LINGO2: variants seen among roughly 807,000 people sequenced by gnomAD.
LINGO2 encodes the protein leucine rich repeat and Ig domain containing 2.
Under a neutral mutation model 30.6 loss-of-function variants are expected in LINGO2, and 14 were observed. The ratio of observed to expected loss-of-function variants is 0.46; its 90% CI spans 0.30 to 0.72. LINGO2 has a LOEUF of 0.72. Among genes scored for constraint, LINGO2 ranks in the 30% least tolerant of loss-of-function variants. LINGO2 has a pLI of 0.07. For synonymous variants in LINGO2, 317 were observed against 288.5 expected, an observed-to-expected ratio of 1.10 and a Z score of -1.00; for missense variants, 729 against 751.7, an observed-to-expected ratio of 0.97 and a Z score of 0.35.
At chr9:29,152,865 C>T in the LINGO2 span, among the ~76,000 whole-genome samples, 1 of 151,996 alleles carries the variant, frequency 6.6e-6, no homozygotes, top group Non-Finnish European at 1.5e-5. Context: ...TTCTCTGAGT[C>T]ACTATTTGAT....
chr9:28,067,493 G>A (rs1452356), intron 4 of LINGO2, among the ~76,000 whole-genome samples: 116,178 of 152,096 alleles, frequency 0.76, 44,522 homozygotes, highest in Middle Eastern at 0.86. Flanking sequence ...TCTGGAGTTA[G>A]TTGAACATGT....
intron 1 of LINGO2, among the ~76,000 whole-genome samples, chr9:28,596,693 A>T (rs1825197169): frequency 6.6e-6 from 1 of 152,232 alleles, no homozygotes; most frequent in Non-Finnish European, 1.5e-5. Context: ...ACAATGTATG[A>T]TATCAATGCC....
chr9:28,119,650 A>G (rs947017624), intron 4 of LINGO2, among the ~76,000 whole-genome samples: 5 of 152,216 alleles, frequency 3.3e-5, no homozygotes, highest in Admixed American at 3.3e-4. Context: ...ATCTAACAAG[A>G]TGTAAGTTAC....
the LINGO2 span, among the ~76,000 whole-genome samples, chr9:29,142,981 G>C: frequency 8.9e-4 from 135 of 152,044 alleles, no homozygotes; most frequent in African/African-American, 3.2e-3. Flanking sequence ...TAAAAAATCA[G>C]TGGAATTTTA....
At chr9:28,704,719 TAC>T in the LINGO2 span, among the ~76,000 whole-genome samples, 1 of 152,142 alleles carries the variant, frequency 6.6e-6, no homozygotes, top group Non-Finnish European at 1.5e-5. Context: ...TCATGTCTGA[TAC>T]AGTGTTTTTG....
chr9:27,945,100 T>C (rs1015974423), downstream of LINGO2, among the ~76,000 whole-genome samples: 1 of 152,164 alleles, frequency 6.6e-6, no homozygotes, highest in African/African-American at 2.4e-5. Flanking sequence ...ATATGCAGTG[T>C]TGAATGGCTT....
intron 4 of LINGO2, among the ~76,000 whole-genome samples, chr9:28,032,663 C>G (rs1823739512): frequency 1.3e-5 from 2 of 152,176 alleles, no homozygotes; most frequent in African/African-American, 4.8e-5. Context: ...CCCATCGTCC[C>G]AGAACTAGTT....
the LINGO2 span, among the ~76,000 whole-genome samples, chr9:28,848,389 GTGTGTGTGTATATATA>G: frequency 1.3e-4 from 7 of 52,300 alleles, no homozygotes; most frequent in South Asian, 9.2e-4. Flanking sequence ...GTGTGTGTGT[GTGTGTGTGTATATATA>G]TATATATATA....
At chr9:28,513,402 A>C (rs1189974684) in intron 1 of LINGO2, among the ~76,000 whole-genome samples, 1 of 152,174 alleles carries the variant, frequency 6.6e-6, no homozygotes, top group African/African-American at 2.4e-5. Flanking sequence ...GTTTCCTATA[A>C]CTATGGCACA....
At chr9:28,492,561 G>C (rs1038010690) in intron 1 of LINGO2, among the ~76,000 whole-genome samples, 1 of 152,136 alleles carries the variant, frequency 6.6e-6, no homozygotes, top group African/African-American at 2.4e-5. Context: ...TTTGTTAAAA[G>C]TAGGGCTTTA....
chr9:29,158,078 C>T, the LINGO2 span, among the ~76,000 whole-genome samples: 2 of 151,824 alleles, frequency 1.3e-5, no homozygotes, highest in African/African-American at 4.8e-5. Flanking sequence ...CATGGTGGCT[C>T]ATGCCTATAC....
intron 2 of LINGO2, among the ~76,000 whole-genome samples, chr9:28,411,734 T>A (rs1261916705): frequency 6.6e-6 from 1 of 152,136 alleles, no homozygotes; most frequent in Non-Finnish European, 1.5e-5. Flanking sequence ...AACATGGGTA[T>A]ACAAATATTC....
chr9:28,705,536 C>T, the LINGO2 span, among the ~76,000 whole-genome samples: 5 of 152,026 alleles, frequency 3.3e-5, no homozygotes, highest in South Asian at 6.2e-4. Context: ...AATAGCTTCT[C>T]CTGAAGGCAG....
Position 28,481,891 on chromosome 9 carries a change from G to A in LINGO2, c.-364-5866C>T, listed in dbSNP as rs1227480364. 2.0e-5 allele frequency among the ~76,000 whole-genome samples: 3 copies of A among 151,302 alleles called. No individual in the cohort carries two copies. In the Admixed American group the frequency reaches 2.0e-4, roughly 10 times the overall value. ...ATGCGGTGTTTGGTTCTTTGTTCTT[G>A]TGATAGTTTACTGAGAATGATGATT... On this transcript the variant is annotated intron_variant, in intron 1 of 5. Coordinates refer to ENST00000379992, the Ensembl canonical transcript of LINGO2.
chr9:28,074,570 G>C (rs527686751), intron 4 of LINGO2, among the ~76,000 whole-genome samples: 2 of 152,222 alleles, frequency 1.3e-5, no homozygotes, highest in South Asian at 4.1e-4. Context: ...TCATATACCA[G>C]AGGAAGTACA....
chr9:28,989,643 T>C, the LINGO2 span, among the ~76,000 whole-genome samples: 2 of 152,310 alleles, frequency 1.3e-5, no homozygotes, highest in East Asian at 3.9e-4. Context: ...ATAGATCATA[T>C]GTTTAGACTC....
At chr9:28,837,772 T>C in the LINGO2 span, among the ~76,000 whole-genome samples, 141 of 148,598 alleles carry the variant, frequency 9.5e-4, 2 homozygotes, top group Middle Eastern at 7.1e-3. Context: ...GCTTGACTCC[T>C]GTGGTCCTGC....
the LINGO2 span, among the ~76,000 whole-genome samples, chr9:28,995,274 C>T: frequency 3.3e-5 from 5 of 152,332 alleles, no homozygotes; most frequent in Admixed American, 2.0e-4. Flanking sequence ...AAAAAATGCT[C>T]ACCATCACTG....
At chr9:28,346,714 T>C (rs568528495) in intron 3 of LINGO2, among the ~76,000 whole-genome samples, 4 of 152,286 alleles carry the variant, frequency 2.6e-5, no homozygotes, top group South Asian at 2.1e-4. Context: ...TTTGATTTTT[T>C]AATAGCCATT....
Sources: allele counts gnomAD v4.1 joint callset (sites outside exome capture counted in the v4.1 genomes callset), GRCh38; gene constraint gnomAD v4.1.1; transcripts MANE v1.5; gene names NCBI Gene and HGNC (gene_info 2026-07-23, HGNC 2026-07-21).